TRAF3: variants seen among roughly 807,000 people sequenced by gnomAD.
TRAF3 encodes TNF receptor-associated factor 3.
In TRAF3, 13 loss-of-function variants were observed where a neutral mutation model predicts 62.3. That is an observed-to-expected ratio of 0.21 (90% CI 0.14 to 0.33). The LOEUF (loss-of-function observed/expected upper bound fraction) is 0.33, where lower values mean the gene tolerates loss of function less well. Among genes scored for constraint, TRAF3 ranks in the 10% least tolerant of loss-of-function variants. TRAF3 has a pLI of 1.00. For missense variants in TRAF3, 440 were observed against 741.8 expected (o/e 0.59, Z 4.73); for synonymous variants, 269 against 283.4 (o/e 0.95, Z 0.51).
intron 1 of TRAF3, among the ~76,000 whole-genome samples, chr14:102,812,801 C>T (rs2139528981): frequency 6.6e-6 from 1 of 151,670 alleles, no homozygotes; most frequent in Non-Finnish European, 1.5e-5. Context: ...CGCCTGTAAT[C>T]CCAGCTACTC....
intron 2 of TRAF3, among the ~76,000 whole-genome samples, chr14:102,845,333 G>A (rs2139698525): frequency 6.6e-6 from 1 of 151,674 alleles, no homozygotes; most frequent in Middle Eastern, 3.4e-3. Flanking sequence ...CTCCCGGTTA[G>A]TTGGGATTAC....
intron 2 of TRAF3, among the ~76,000 whole-genome samples, chr14:102,850,184 T>C (rs1351679557): frequency 1.3e-5 from 2 of 152,216 alleles, no homozygotes; most frequent in African/African-American, 4.8e-5. Context: ...TCCACCTCTT[T>C]GCTGTACTAG....
In TRAF3 at chr14:102,910,450, T is replaced by C. The variant is rs193031191; in HGVS notation, c.*4666T>C. Reference sequence around the variant, plus strand: ...GCTCTGTTTTCTCCAAAGTAGAATGTGCGCACCGGGGTCCTAGCCAGGCGA... The same window carrying C: ...GCTCTGTTTTCTCCAAAGTAGAATGCGCGCACCGGGGTCCTAGCCAGGCGA... On this transcript the variant is annotated 3_prime_UTR_variant, in exon 12 of 12. Coordinates refer to ENST00000392745, the MANE Select transcript of TRAF3 (RefSeq NM_145725.3). 6.6e-6 allele frequency: 1 copy of C among 152,410 alleles called. No individual in the cohort carries two copies. The highest frequency in any genetic ancestry group is 1.9e-4 in the East Asian group (1 of 5,190). The allele number at this position is 152,410 out of a possible 1,614,324, so 9.4% of individuals were successfully genotyped here.
At chr14:102,802,392 G>T (rs1233660889) in intron 1 of TRAF3, among the ~76,000 whole-genome samples, 4 of 149,760 alleles carry the variant, frequency 2.7e-5, no homozygotes, top group South Asian at 2.1e-4. Context: ...CTGACCTCGT[G>T]ATCTGCCCGC....
intron 11 of TRAF3, among the ~76,000 whole-genome samples, 196 bp from the exon 12 acceptor site, chr14:102,905,017 C>T (rs1313019413): frequency 1.3e-5 from 2 of 152,248 alleles, no homozygotes; most frequent in African/African-American, 4.8e-5. Context: ...GAGGCTGAGA[C>T]AGGAGAATCG....
intron 1 of TRAF3, among the ~76,000 whole-genome samples, chr14:102,793,529 A>G (rs1170352258): frequency 1.3e-5 from 2 of 152,206 alleles, no homozygotes; most frequent in Admixed American, 1.3e-4. Flanking sequence ...AGAAAATTCT[A>G]AGAGGGTTTC....
At chr14:102,866,899 A>G (rs1163490525) in intron 2 of TRAF3, among the ~76,000 whole-genome samples, 1 of 151,006 alleles carries the variant, frequency 6.6e-6, no homozygotes, top group South Asian at 2.1e-4. Context: ...ACACAAAACA[A>G]TGACAAGAAG....
intron 2 of TRAF3, among the ~76,000 whole-genome samples, chr14:102,845,191 C>T (rs1030583625): frequency 1.3e-5 from 2 of 149,074 alleles, no homozygotes; most frequent in Admixed American, 6.7e-5. Flanking sequence ...CCACCATGCC[C>T]GGCCCTAAAA....
At chr14:102,852,149 T>A (rs1177073442) in intron 2 of TRAF3, among the ~76,000 whole-genome samples, 1 of 152,192 alleles carries the variant, frequency 6.6e-6, no homozygotes, top group Admixed American at 6.5e-5. Context: ...ATTTTATTTT[T>A]TTTACAGACA....
At chr14:102,789,840 G>C (rs1273544754) in intron 1 of TRAF3, among the ~76,000 whole-genome samples, 2 of 150,276 alleles carry the variant, frequency 1.3e-5, no homozygotes, top group Non-Finnish European at 3.0e-5. Flanking sequence ...TTTTTTTTGA[G>C]ACCGAGTCTC....
intron 2 of TRAF3, among the ~76,000 whole-genome samples, chr14:102,845,348 G>A (rs973364377): frequency 9.4e-5 from 14 of 149,426 alleles, no homozygotes; most frequent in African/African-American, 3.0e-4. Flanking sequence ...GATTACAGGC[G>A]CACGCCACTA....
chr14:102,820,462 C>G (rs1887525564), intron 1 of TRAF3, among the ~76,000 whole-genome samples: 1 of 150,512 alleles, frequency 6.6e-6, no homozygotes, highest in Admixed American at 6.6e-5. Flanking sequence ...GTTTTTCTGA[C>G]TTTTTAAATA....
intron 1 of TRAF3, among the ~76,000 whole-genome samples, chr14:102,781,308 CT>C (rs948006500): frequency 1.2e-4 from 18 of 152,178 alleles, no homozygotes; most frequent in Non-Finnish European, 2.2e-4. Context: ...ATGTGCTGGC[CT>C]TTGGCTCTTG....
chr14:102,876,519 G>T lies in TRAF3; in HGVS notation c.564G>T (p.Ala188=). The T allele has an allele frequency of 6.2e-7, 1 of 1,613,320 alleles. No homozygotes were observed. The highest frequency in any genetic ancestry group is 8.5e-7 in the Non-Finnish European group (1 of 1,179,758). ...SHCKSQVPMI[A]LQKHEDTDCP... The stretch of plus-strand genomic sequence containing the variant: ...GCAAGAGTCAGGTTCCGATGATCGC[G>T]CTGCAGGTGCGGGTCCTCCCATTCC... Residue 188 remains alanine, a synonymous_variant, in exon 6 of 12, where the codon GCG becomes GCT. Coordinates refer to ENST00000392745, the MANE Select transcript of TRAF3 (RefSeq NM_145725.3).
intron 2 of TRAF3, among the ~76,000 whole-genome samples, chr14:102,868,560 G>A (rs1389743874): frequency 6.6e-6 from 1 of 152,198 alleles, no homozygotes; most frequent in African/African-American, 2.4e-5. Context: ...TTCCAAGAAA[G>A]TTCATGGTGC....
intron 9 of TRAF3, among the ~76,000 whole-genome samples, chr14:102,892,043 T>G (rs889022516): frequency 2.0e-5 from 3 of 149,964 alleles, no homozygotes; most frequent in African/African-American, 7.5e-5. Context: ...TCTCCCATGC[T>G]GTTCTTTTTT....
chr14:102,797,544 G>C (rs915514347), intron 1 of TRAF3, among the ~76,000 whole-genome samples: 1 of 152,156 alleles, frequency 6.6e-6, no homozygotes, highest in Non-Finnish European at 1.5e-5. Flanking sequence ...TGCAGGAGGA[G>C]TTAGAGACCA....
intron 2 of TRAF3, among the ~76,000 whole-genome samples, chr14:102,844,130 T>A (rs1340319457): frequency 3.9e-5 from 6 of 152,264 alleles, no homozygotes; most frequent in African/African-American, 1.2e-4. Flanking sequence ...TGGGAATGTG[T>A]GTAAACACAT....
At chr14:102,807,968 A>G (rs929305574) in intron 1 of TRAF3, among the ~76,000 whole-genome samples, 2 of 152,236 alleles carry the variant, frequency 1.3e-5, no homozygotes, top group Non-Finnish European at 2.9e-5. Flanking sequence ...TTGAGGCAGC[A>G]TACCTCTATG....
Sources: allele counts gnomAD v4.1 joint callset (sites outside exome capture counted in the v4.1 genomes callset), GRCh38; gene constraint gnomAD v4.1.1; transcripts MANE v1.5; gene names NCBI Gene and HGNC (gene_info 2026-07-23, HGNC 2026-07-21).